Variants in MAP2K5 observed in about 807,000 individuals in gnomAD.
MAP2K5 encodes dual specificity mitogen-activated protein kinase kinase 5.
A neutral mutation model predicts 83.1 loss-of-function variants in MAP2K5; 49 were observed. The observed-to-expected ratio is 0.59, with a 90% CI of 0.47 to 0.75. The LOEUF is 0.75. Among genes scored for constraint, MAP2K5 ranks in the 30% least tolerant of loss-of-function variants. The pLI is 0.00. For missense variants in MAP2K5, 457 were observed against 557.5 expected (o/e 0.82, Z 1.82); for synonymous variants, 202 against 191.8 (o/e 1.05, Z -0.44).
chr15:67,570,901 G>A (rs1025994300), intron 3 of MAP2K5, among the ~76,000 whole-genome samples: 1 of 152,166 alleles, frequency 6.6e-6, no homozygotes, highest in Admixed American at 6.5e-5. Flanking sequence ...TTCCTTATAA[G>A]TGAAATACTG....
At chr15:67,575,232 CAAG>C (rs975522973) in intron 3 of MAP2K5, among the ~76,000 whole-genome samples, 3 of 152,006 alleles carry the variant, frequency 2.0e-5, no homozygotes, top group Admixed American at 1.3e-4. Flanking sequence ...TAAAGTAACT[CAAG>C]GAGAGTGTAA....
chr15:67,658,409 T>C (rs995324198), intron 11 of MAP2K5, 144 bp from the exon 12 acceptor site: 16 of 619,440 alleles, frequency 2.6e-5, no homozygotes, highest in Non-Finnish European at 4.1e-5. Context: ...TTAGATAACA[T>C]TGGACTAAAA....
At chr15:67,623,059 G>T (rs1460487386) in intron 8 of MAP2K5, among the ~76,000 whole-genome samples, 1 of 152,160 alleles carries the variant, frequency 6.6e-6, no homozygotes, top group Non-Finnish European at 1.5e-5. Context: ...CCAAGATCAT[G>T]CCACTGCACT....
At chr15:67,699,446 AGAG>A (rs2088355660) in intron 15 of MAP2K5, among the ~76,000 whole-genome samples, 1 of 152,218 alleles carries the variant, frequency 6.6e-6, no homozygotes, top group Admixed American at 6.5e-5. Context: ...GGGAAACTGA[AGAG>A]GAGGCATCTG....
At chr15:67,740,551 C>T (rs1269643968) in intron 17 of MAP2K5, among the ~76,000 whole-genome samples, 2 of 152,036 alleles carry the variant, frequency 1.3e-5, no homozygotes, top group Non-Finnish European at 2.9e-5. Flanking sequence ...TATGATTGCA[C>T]CACTGCACCC....
chr15:67,553,667 A>ATTGGGAGG (rs2084558479), intron 2 of MAP2K5, among the ~76,000 whole-genome samples: 3 of 151,884 alleles, frequency 2.0e-5, no homozygotes, highest in Non-Finnish European at 4.4e-5. Context: ...TAATCCCAGC[A>ATTGGGAGG]CTTTGGGAGG....
chr15:67,632,931 T>C (rs1028618984), intron 9 of MAP2K5, among the ~76,000 whole-genome samples: 1 of 152,176 alleles, frequency 6.6e-6, no homozygotes, highest in Non-Finnish European at 1.5e-5. Flanking sequence ...TTAAATAGCT[T>C]GTGAGGGGGT....
At chr15:67,601,048 A>G (rs1160212575) in intron 8 of MAP2K5, among the ~76,000 whole-genome samples, 1 of 151,992 alleles carries the variant, frequency 6.6e-6, no homozygotes, top group East Asian at 1.9e-4. Context: ...GCTTTTTAAC[A>G]CTATTATTAT....
chr15:67,604,733 A>G (rs529236614), intron 8 of MAP2K5, among the ~76,000 whole-genome samples: 20 of 152,142 alleles, frequency 1.3e-4, no homozygotes, highest in African/African-American at 4.6e-4. Context: ...CGACTCTACT[A>G]AAAATATAAA....
Position 67,702,534 on chromosome 15 carries a change from G to A in MAP2K5, c.973-803G>A, listed in dbSNP as rs1019962812. 5.3e-5 allele frequency among the ~76,000 whole-genome samples: 8 copies of A among 152,254 alleles called. No individual in the cohort carries two copies. Among genetic ancestry groups the A allele is most frequent in the South Asian group, 4.2e-4 (2 of 4,818 alleles). On this transcript the variant is annotated intron_variant, in intron 15 of 21. Coordinates refer to ENST00000178640, the MANE Select transcript of MAP2K5 (RefSeq NM_145160.3). This position sits in a 1 kb window ranked among gnomAD's most constrained non-coding sequence, Gnocchi z 4.6. ...CCGTTTCTCTTATTCATTTGTTCAC[G>A]TGTTCATTCCAAAGCCATCTATGAA...
chr15:67,629,113 A>G (rs56232683), intron 8 of MAP2K5: 2 of 733,434 alleles, frequency 2.7e-6, no homozygotes, highest in African/African-American at 3.4e-5. Flanking sequence ...AGCAGTAGCT[A>G]CGGCAGTGGC....
rs145464809 is a variant in MAP2K5, at chr15:67,754,394, T to C, written c.1134+5793T>C. On this transcript the variant is annotated intron_variant, in intron 19 of 21. Transcript: ENST00000178640. ...CACACTTAAACCACATTCCATTTCGTAGAAGACTACCACAGCTAGAAAAAT... is the reference window on the plus strand; with the variant it reads ...CACACTTAAACCACATTCCATTTCGCAGAAGACTACCACAGCTAGAAAAAT... 3.3e-5 allele frequency among the ~76,000 whole-genome samples: 5 copies of C among 152,354 alleles called. No individual in the cohort carries two copies. The East Asian group carries it at 9.6e-4, about 29-fold the overall frequency.
In MAP2K5 at chr15:67,779,864, C is replaced by A. The variant is rs946245282; in HGVS notation, c.1242+7112C>A. The stretch of plus-strand genomic sequence containing the variant: ...GCTCTTCAGTGCCGTGCCAGATTTG[C>A]GGCAGCGGGAGGCTAAGGTGGGTCT... On this transcript the variant is annotated intron_variant, in intron 21 of 21. Transcript: ENST00000178640. The surrounding 1 kb of genome is among the most constrained non-coding windows in gnomAD (Gnocchi z 4.6). Among the ~76,000 whole-genome samples the A allele has an allele frequency of 6.6e-6, 1 of 152,118 alleles. No individual in the cohort carries two copies. The highest frequency in any genetic ancestry group is 6.6e-5 in the Admixed American group (1 of 15,260).
At chr15:67,557,169 C>T (rs1043712914) in intron 2 of MAP2K5, among the ~76,000 whole-genome samples, 3 of 152,132 alleles carry the variant, frequency 2.0e-5, no homozygotes, top group Non-Finnish European at 2.9e-5. Context: ...AAAAATCAAC[C>T]GTGCCCACTA....
At chr15:67,560,864 T>G (rs192696010) in intron 2 of MAP2K5, among the ~76,000 whole-genome samples, 7 of 152,332 alleles carry the variant, frequency 4.6e-5, no homozygotes, top group Admixed American at 2.0e-4. Context: ...ACTCTCCTTT[T>G]GTTCTTGATT....
intron 15 of MAP2K5, among the ~76,000 whole-genome samples, chr15:67,695,002 T>C (rs1385260001): frequency 2.0e-5 from 3 of 151,182 alleles, no homozygotes; most frequent in Non-Finnish European, 2.9e-5. Flanking sequence ...AGTAAACTAT[T>C]GCAAGAACAA....
chr15:67,542,924 A>C lies in MAP2K5; in HGVS notation c.-412A>C. 5.1e-6 allele frequency: 1 copy of C among 196,188 alleles called. No homozygotes were observed. The highest frequency in any genetic ancestry group is 1.4e-4 in the East Asian group (1 of 7,204). The allele number at this position is 196,188 out of a possible 1,614,324, so 12.2% of individuals were successfully genotyped here. Reference sequence around the variant, plus strand: ...CCCCGGACTGAGTCCCCTCCAGTCGAGGACCCTCTCCTAGTCCACTGACGA... The same window carrying C: ...CCCCGGACTGAGTCCCCTCCAGTCGCGGACCCTCTCCTAGTCCACTGACGA... On this transcript the variant is annotated 5_prime_UTR_variant, in exon 1 of 22. Coordinates refer to ENST00000178640, the MANE Select transcript of MAP2K5 (RefSeq NM_145160.3).
intron 16 of MAP2K5, among the ~76,000 whole-genome samples, chr15:67,706,213 T>C (rs954136385): frequency 2.6e-5 from 4 of 152,122 alleles, no homozygotes; most frequent in African/African-American, 9.7e-5. Flanking sequence ...GGTACAAAGA[T>C]TAATAAAAAG....
At chr15:67,686,459 T>C (rs1798801719) in intron 13 of MAP2K5, among the ~76,000 whole-genome samples, 4 of 151,556 alleles carry the variant, frequency 2.6e-5, no homozygotes, top group Non-Finnish European at 5.9e-5. Context: ...ATACAAAAAC[T>C]AGCTGGGGGT....
Sources: gnomAD v4.1 joint callset for allele counts (sites outside exome capture counted in the v4.1 genomes callset) on GRCh38, gnomAD v4.1.1 for gene constraint, Gnocchi (gnomAD v3.1) non-coding constraint, MANE v1.5 for transcripts, NCBI Gene and HGNC (gene_info 2026-07-23, HGNC 2026-07-21) for gene names.